MTMR10: variants seen among roughly 807,000 people sequenced by gnomAD.
The protein encoded by MTMR10 is myotubularin-related protein 10.
A neutral mutation model predicts 88.1 loss-of-function variants in MTMR10; 56 were observed. That is an observed-to-expected ratio of 0.64 (90% CI 0.51 to 0.79). The LOEUF is 0.79. Ranked by LOEUF, MTMR10 falls within the 30% of genes least tolerant of loss-of-function variation. The pLI is 0.00. For synonymous variants in MTMR10, 380 were observed against 340.9 expected, an observed-to-expected ratio of 1.11 and a Z score of -1.26; for missense variants, 883 against 924.7, an observed-to-expected ratio of 0.95 and a Z score of 0.58.
intron 2 of MTMR10, among the ~76,000 whole-genome samples, chr15:30,986,096 T>C (rs2030922314): frequency 6.6e-6 from 1 of 151,984 alleles, no homozygotes; most frequent in South Asian, 2.1e-4. Flanking sequence ...GTGAGCCAAT[T>C]GCTTGAGCCC....
At chr15:30,955,449 T>G (rs1163685102) in intron 9 of MTMR10, among the ~76,000 whole-genome samples, 1 of 152,158 alleles carries the variant, frequency 6.6e-6, no homozygotes, top group East Asian at 1.9e-4. Flanking sequence ...TTTCTGTATT[T>G]TTAGTAGAGG....
the MTMR10 span, chr15:30,929,129 T>C: frequency 7.6e-7 from 1 of 1,314,760 alleles, no homozygotes; most frequent in African/African-American, 1.5e-5. Flanking sequence ...AAGTTTTGTA[T>C]GTACTGACTA....
intron 14 of MTMR10, chr15:30,943,346 TAAGAG>T: frequency 4.1e-6 from 4 of 985,216 alleles, no homozygotes; most frequent in Non-Finnish European, 4.8e-6. Flanking sequence ...AGAATGTTAT[TAAGAG>T]AAGTTTCACT....
At chr15:30,929,689 T>C in the MTMR10 span, among the ~76,000 whole-genome samples, 1 of 114,574 alleles carries the variant, frequency 8.7e-6, no homozygotes, top group Non-Finnish European at 1.6e-5. Flanking sequence ...ATATAATATA[T>C]ATAAAATATA....
intron 14 of MTMR10, among the ~76,000 whole-genome samples, chr15:30,944,673 A>G (rs773241406): frequency 1.3e-5 from 2 of 152,158 alleles, no homozygotes; most frequent in Admixed American, 6.5e-5. Flanking sequence ...CTAGTAAAAC[A>G]TGAACCCAAA....
chr15:30,942,742 A>G, intron 15 of MTMR10, 148 bp downstream of exon 15: 1 of 792,446 alleles, frequency 1.3e-6, no homozygotes, highest in Non-Finnish European at 1.9e-6. Context: ...GGATACAGTC[A>G]TTTGAGTTAA....
downstream of MTMR10, among the ~76,000 whole-genome samples, chr15:30,934,555 G>A (rs1485856909): frequency 6.6e-6 from 1 of 151,788 alleles, no homozygotes; most frequent in African/African-American, 2.4e-5. Flanking sequence ...TGTGGTTTTT[G>A]TATTTTTTAG....
At chr15:30,969,110 G>A (rs757385751) in intron 5 of MTMR10, among the ~76,000 whole-genome samples, 3 of 152,096 alleles carry the variant, frequency 2.0e-5, no homozygotes, top group Non-Finnish European at 4.4e-5. Context: ...GTGGTGTTTG[G>A]AGTGGGTTGA....
the MTMR10 span, chr15:30,920,776 G>A: frequency 3.4e-6 from 2 of 588,342 alleles, no homozygotes; most frequent in Non-Finnish European, 3.0e-6. Flanking sequence ...ATATAATGGA[G>A]GCATATTTGT....
chr15:30,928,889 G>A, the MTMR10 span: 16 of 695,274 alleles, frequency 2.3e-5, no homozygotes, highest in Non-Finnish European at 2.1e-5. Context: ...TAGACCTTTC[G>A]TATAAAGTAC....
the MTMR10 span, chr15:30,926,771 A>T: frequency 1.0e-6 from 1 of 985,394 alleles, no homozygotes; most frequent in African/African-American, 1.7e-5. Flanking sequence ...GGGACGTGGG[A>T]GCGCTGAAAT....
rs2063065818 is a variant in MTMR10 at position 30,941,832 on chromosome 15, T to C, written c.1972A>G (p.Lys658Glu). 5 of 1,614,048 alleles carry C rather than the reference T, an allele frequency of 3.1e-6. No individual in the cohort carries two copies. The East Asian group carries it at 1.1e-4, about 36-fold the overall frequency. ...GGAACCCAGCGGAAGTAGCACAGTT[T>C]CCACAGTTTTATGTGTGTTCCAGAG... The part of the protein sequence containing the change: ...RVSGTHIKLW[K>E]LCYFRWVPEA... The change falls in exon 16 of 16, where the codon AAA becomes GAA. Residue 658 changes from lysine to glutamate, a missense_variant. Transcript: ENST00000435680.
At chr15:30,928,783 G>A in the MTMR10 span, 1 of 1,504,488 alleles carries the variant, frequency 6.6e-7, no homozygotes, top group South Asian at 1.3e-5. Flanking sequence ...GTCATCCACA[G>A]GTCAAGATGA....
intron 12 of MTMR10, chr15:30,949,399 A>C (rs1345352621): frequency 6.6e-6 from 1 of 152,242 alleles, no homozygotes; most frequent in Non-Finnish European, 1.5e-5. Context: ...CATTCAGATC[A>C]GAAAGAAAAA....
At chr15:30,950,876 TAA>T (rs2063235227) in intron 12 of MTMR10, among the ~76,000 whole-genome samples, 1 of 152,228 alleles carries the variant, frequency 6.6e-6, no homozygotes, top group South Asian at 2.1e-4. Context: ...CTGTACACTT[TAA>T]GTTACCTCTA....
intron 6 of MTMR10, among the ~76,000 whole-genome samples, chr15:30,962,689 G>A (rs1566956611): frequency 6.6e-6 from 1 of 152,170 alleles, no homozygotes; most frequent in Non-Finnish European, 1.5e-5. Context: ...AACTCCCCAT[G>A]TGCTAATGCC....
At chr15:30,986,744 C>G (rs1446562897) in intron 2 of MTMR10, among the ~76,000 whole-genome samples, 1 of 152,200 alleles carries the variant, frequency 6.6e-6, no homozygotes, top group South Asian at 2.1e-4. Context: ...AATCTGGGTA[C>G]CAGTGATCCA....
the MTMR10 span, chr15:30,927,986 T>C: frequency 1.0e-6 from 1 of 985,772 alleles, no homozygotes; most frequent in South Asian, 4.7e-5. Context: ...CAGATGTCTC[T>C]GTAAAAGCCT....
intron 6 of MTMR10, among the ~76,000 whole-genome samples, chr15:30,962,774 G>T (rs1166777874): frequency 6.6e-6 from 1 of 152,194 alleles, no homozygotes; most frequent in Non-Finnish European, 1.5e-5. Flanking sequence ...CAGAGTACCA[G>T]ATGTCTGAGT....
Sources: gnomAD v4.1 joint callset for allele counts (sites outside exome capture counted in the v4.1 genomes callset) on GRCh38, gnomAD v4.1.1 for gene constraint, MANE v1.5 for transcripts, NCBI Gene and HGNC (gene_info 2026-07-23, HGNC 2026-07-21) for gene names.